CASR: variants seen among roughly 807,000 people sequenced by gnomAD.
The protein encoded by CASR is extracellular calcium-sensing receptor.
A neutral mutation model predicts 69.1 loss-of-function variants in CASR; 23 were observed. The ratio of observed to expected loss-of-function variants is 0.33; its 90% confidence interval spans 0.24 to 0.47. The LOEUF (loss-of-function observed/expected upper bound fraction) is 0.47, where lower values mean the gene tolerates loss of function less well. Among genes scored for constraint, CASR ranks in the 20% least tolerant of loss-of-function variants. The probability of loss-of-function intolerance (pLI) is 1.00; values close to 1 mark genes in which losing one functional copy is unlikely to be tolerated. For synonymous variants in CASR, 541 were observed against 544.7 expected (o/e 0.99, Z 0.10); for missense variants, 924 against 1,356.1 (o/e 0.68, Z 5.00).
At chr3:122,268,050 A>G (rs2074714014) in intron 4 of CASR, among the ~76,000 whole-genome samples, 1 of 152,244 alleles carries the variant, frequency 6.6e-6, no homozygotes, top group African/African-American at 2.4e-5. Context: ...AATGGTTAAC[A>G]GTTTGGAATC....
At chr3:122,281,873 C>T (rs935489755) in intron 5 of CASR, among the ~76,000 whole-genome samples, 3 of 137,914 alleles carry the variant, frequency 2.2e-5, no homozygotes, top group African/African-American at 7.4e-5. Flanking sequence ...TGTATGTGTG[C>T]ATGCACATGT....
intron 5 of CASR, among the ~76,000 whole-genome samples, chr3:122,281,695 A>G (rs2074890273): frequency 6.6e-6 from 1 of 152,006 alleles, no homozygotes; most frequent in South Asian, 2.1e-4. Context: ...CTAATATTAG[A>G]CTTTTTTGCA....
chr3:122,231,748 C>T (rs959012335), intron 1 of CASR, among the ~76,000 whole-genome samples: 1 of 108,766 alleles, frequency 9.2e-6, no homozygotes, highest in African/African-American at 3.0e-5. Flanking sequence ...CATTACCCCC[C>T]TCCCACTCAC....
intron 1 of CASR, among the ~76,000 whole-genome samples, chr3:122,251,068 G>A (rs941709410): frequency 6.6e-6 from 1 of 152,212 alleles, no homozygotes; most frequent in Admixed American, 6.5e-5. Flanking sequence ...GGTCATGGAT[G>A]TTCAGACATT....
At chr3:122,191,800 A>T (rs2073842539) in intron 1 of CASR, among the ~76,000 whole-genome samples, 1 of 152,260 alleles carries the variant, frequency 6.6e-6, no homozygotes, top group Admixed American at 6.5e-5. Flanking sequence ...TTTTCAAATG[A>T]AGACAATCAC....
At chr3:122,267,765 A>G (rs2074710796) in intron 4 of CASR, among the ~76,000 whole-genome samples, 1 of 152,156 alleles carries the variant, frequency 6.6e-6, no homozygotes, top group Non-Finnish European at 1.5e-5. Flanking sequence ...TATATAAATT[A>G]TACCTCAAAA....
At chr3:122,222,098 A>G (rs1444083106) in intron 1 of CASR, among the ~76,000 whole-genome samples, 1 of 152,248 alleles carries the variant, frequency 6.6e-6, no homozygotes, top group Non-Finnish European at 1.5e-5. Flanking sequence ...TTTTTCTGGA[A>G]TAGCCTCTAA....
In CASR at chr3:122,262,002, A is replaced by T; in HGVS notation, c.967A>T (p.Lys323Ter). ...TGGCGGCACCATTGGATTCGCTCTG[A>T]AGGCTGGGCAGATCCCAGGCTTCCG... is the stretch of plus-strand genomic sequence containing the variant. ...VVGGTIGFALKAGQIPGFREF... is the reference protein window; with the variant it reads ...VVGGTIGFAL The change falls in exon 4 of 7, where the codon AAG becomes TAG. Residue 323 changes from lysine to a stop codon, truncating the protein, a stop_gained. Transcript: ENST00000639785. LOFTEE classifies it high-confidence loss of function. 6.2e-7 allele frequency: 1 copy of T among 1,614,212 alleles called. No homozygotes were observed. Among genetic ancestry groups the T allele is most frequent in the Non-Finnish European group, 8.5e-7 (1 of 1,180,044 alleles).
intron 1 of CASR, among the ~76,000 whole-genome samples, chr3:122,188,905 C>A (rs568760303): frequency 6.6e-6 from 1 of 152,318 alleles, no homozygotes; most frequent in South Asian, 2.1e-4. Context: ...TTGGTAACCA[C>A]AGTATCCATT....
At chr3:122,234,982 G>A (rs1359532026) in intron 1 of CASR, among the ~76,000 whole-genome samples, 1 of 152,214 alleles carries the variant, frequency 6.6e-6, no homozygotes, top group Non-Finnish European at 1.5e-5. Flanking sequence ...ATTGTGGAAT[G>A]TTTAGGACCA....
At chr3:122,188,216 G>A (rs2073805439) in intron 1 of CASR, among the ~76,000 whole-genome samples, 1 of 152,166 alleles carries the variant, frequency 6.6e-6, no homozygotes, top group Non-Finnish European at 1.5e-5. Context: ...TTAGATAATG[G>A]TAATGATGGC....
intron 1 of CASR, among the ~76,000 whole-genome samples, chr3:122,213,845 C>T (rs1351750927): frequency 6.6e-6 from 1 of 152,234 alleles, no homozygotes; most frequent in African/African-American, 2.4e-5. Flanking sequence ...ATACTGGCTC[C>T]TGACTATTGC....
At chr3:122,248,678 A>G (rs1351243052) in intron 1 of CASR, among the ~76,000 whole-genome samples, 2 of 147,286 alleles carry the variant, frequency 1.4e-5, no homozygotes, top group Non-Finnish European at 3.0e-5. Context: ...CCTTTAATTT[A>G]CTGAGTGATT....
chr3:122,205,619 T>C (rs558045424), intron 1 of CASR, among the ~76,000 whole-genome samples: 36 of 152,266 alleles, frequency 2.4e-4, no homozygotes, highest in South Asian at 8.3e-4. Flanking sequence ...ATTGGTCCTT[T>C]GATAGGGATT....
At chr3:122,242,761 G>A (rs949839012) in intron 1 of CASR, among the ~76,000 whole-genome samples, 5 of 151,914 alleles carry the variant, frequency 3.3e-5, no homozygotes, top group African/African-American at 7.2e-5. Flanking sequence ...TCACATTATC[G>A]ACTTTCATAT....
At chr3:122,278,454 T>C (rs575921623) in intron 5 of CASR, among the ~76,000 whole-genome samples, 17 of 152,310 alleles carry the variant, frequency 1.1e-4, no homozygotes, top group African/African-American at 4.1e-4. Context: ...AATAATTCTT[T>C]CCTTGTTTTG....
chr3:122,222,487 A>G (rs1490911131), intron 1 of CASR, among the ~76,000 whole-genome samples: 1 of 152,218 alleles, frequency 6.6e-6, no homozygotes, highest in Non-Finnish European at 1.5e-5. Context: ...GTCAATAATA[A>G]TAATAATCCT....
intron 1 of CASR, among the ~76,000 whole-genome samples, chr3:122,205,296 A>C (rs1027928787): frequency 1.2e-4 from 18 of 152,044 alleles, no homozygotes; most frequent in Non-Finnish European, 1.9e-4. Flanking sequence ...GCATATGGGA[A>C]GTTACCAGTT....
chr3:122,259,709 A>C (rs774485557), intron 3 of CASR, among the ~76,000 whole-genome samples: 2 of 145,546 alleles, frequency 1.4e-5, no homozygotes, highest in Non-Finnish European at 3.0e-5. Flanking sequence ...AGCTCACTGC[A>C]AGCTCTGCCT....
Sources: gnomAD v4.1 joint callset for allele counts (sites outside exome capture counted in the v4.1 genomes callset) on GRCh38, gnomAD v4.1.1 for gene constraint, MANE v1.5 for transcripts, NCBI Gene and HGNC (gene_info 2026-07-23, HGNC 2026-07-21) for gene names.